Variants in TNFSF13 observed in about 807,000 individuals in gnomAD.
TNFSF13 encodes tumor necrosis factor ligand superfamily member 13.
Under a neutral mutation model 30.7 loss-of-function variants are expected in TNFSF13, and 18 were observed. The observed-to-expected ratio is 0.59, with a 90% CI of 0.41 to 0.87. The LOEUF (loss-of-function observed/expected upper bound fraction) is 0.87, where lower values mean the gene tolerates loss of function less well. TNFSF13 is among the 40% of genes least tolerant of loss of function. The pLI, the probability that TNFSF13 is intolerant of heterozygous loss-of-function variation, is 0.00. For missense variants in TNFSF13, 286 were observed against 308.8 expected, an observed-to-expected ratio of 0.93 and a Z score of 0.55; for synonymous variants, 116 against 123.2, an observed-to-expected ratio of 0.94 and a Z score of 0.39.
At chr17:7,560,608 C>T in intron 5 of TNFSF13, 116 bp from the exon 6 acceptor site, 1 of 1,609,240 alleles carries the variant, frequency 6.2e-7, no homozygotes. Context: ...GAGTGAAGTG[C>T]AGAATGCCGG....
chr17:7,560,246 C>T (rs1389823124), intron 4 of TNFSF13, 79 bp downstream of exon 4: 1 of 1,611,102 alleles, frequency 6.2e-7, no homozygotes, highest in Non-Finnish European at 8.5e-7. Flanking sequence ...TCTATTCATA[C>T]CAAACCCAGC....
In TNFSF13 at chr17:7,559,965, A is replaced by C; in HGVS notation, c.385+72A>C. On this transcript the variant is annotated intron_variant, in intron 3 of 5. Coordinates refer to ENST00000338784, the MANE Select transcript of TNFSF13 (RefSeq NM_003808.4). This position sits in a 1 kb window ranked among gnomAD's most constrained non-coding sequence, Gnocchi z 5.4. ...GAACTCGGGCTGGCACTTGGGCTCA[A>C]GGGGTCCTTATAGGTGAAAGGGAAA... The C allele has an allele frequency of 3.1e-6, 5 of 1,613,968 alleles. No individual in the cohort carries two copies. The highest frequency in any genetic ancestry group is 3.4e-6 in the Non-Finnish European group (4 of 1,179,970).
Position 7,560,930 on chromosome 17 carries a change from G to C in TNFSF13, c.*97G>C. 1.2e-6 allele frequency: 2 copies of C among 1,614,142 alleles called. No individual in the cohort carries two copies. Among genetic ancestry groups the C allele is most frequent in the Non-Finnish European group, 1.7e-6 (2 of 1,180,010 alleles). On this transcript the variant is annotated 3_prime_UTR_variant, in exon 6 of 6. Coordinates refer to ENST00000338784, the MANE Select transcript of TNFSF13 (RefSeq NM_003808.4). ...GTATATAAAGGAGAGGGAATGTGCAGGAACAGAGGCGTCTTCCTGGGTTTG... is the reference window on the plus strand; with the variant it reads ...GTATATAAAGGAGAGGGAATGTGCACGAACAGAGGCGTCTTCCTGGGTTTG...
Position 7,560,419 on chromosome 17 carries a change from A to G in TNFSF13, c.574A>G (p.Thr192Ala). Residue 192 changes from threonine (T) to alanine (A), a missense_variant, in exon 5 of 6, where the codon ACT becomes GCT. By Grantham distance (58) the Thr-to-Ala change is moderately conservative. Transcript: ENST00000338784. ...TCGAGAAGGCCAAGGAAGGCAGGAG[A>G]CTCTATTCCGATGTATAAGAAGTAT... ...VSREGQGRQE[T>A]LFRCIRSMPS... is the part of the protein sequence containing the mutation. 1 of 1,613,662 alleles carries G rather than the reference A, an allele frequency of 6.2e-7. No homozygotes were observed. Among genetic ancestry groups the G allele is most frequent in the Non-Finnish European group, 8.5e-7 (1 of 1,179,884 alleles).
In TNFSF13 at chr17:7,559,832, CCTT is replaced by C; in HGVS notation, c.338-11_338-9del. 1.9e-6 allele frequency: 3 copies of C among 1,614,096 alleles called. No individual in the cohort carries two copies. Among genetic ancestry groups the C allele is most frequent in the East Asian group, 2.2e-5 (1 of 44,878 alleles). ...AAAGTGGATGCGGCTGAGATTCCCT[CCTT>C]CTCTCCTCAGAGCAGCACTCTGTCC... On this transcript the variant is annotated splice_polypyrimidine_tract_variant and intron_variant, in intron 2 of 5. Coordinates refer to ENST00000338784, the MANE Select transcript of TNFSF13 (RefSeq NM_003808.4). The surrounding 1 kb of genome is among the most constrained non-coding windows in gnomAD (Gnocchi z 5.4).
chr17:7,558,821 T>G lies in TNFSF13; in HGVS notation c.-219T>G. On this transcript the variant is annotated 5_prime_UTR_variant, in exon 1 of 6. Transcript: ENST00000338784. This position sits in a 1 kb window ranked among gnomAD's most constrained non-coding sequence, Gnocchi z 4.3. ...CCTGAGGCTGAGGGAGGGTGGAGGG[T>G]CTCAAGGCAACGCTGGCCCCACGAC... The G allele has an allele frequency of 2.3e-6, 1 of 431,968 alleles. No individual in the cohort carries two copies. The highest frequency in any genetic ancestry group is 3.9e-6 in the Non-Finnish European group (1 of 253,882). The allele number at this position is 431,968 out of a possible 1,614,324, so 26.8% of individuals were successfully genotyped here. A position where few individuals can be genotyped will look rare whatever the true frequency, so the allele number is the denominator to read the frequency against.
At position 7,559,521 on chromosome 17, in the gene TNFSF13, C is replaced by G; in HGVS notation, c.259-103C>G. ...ACACTCAGGGTGCTGGGAAAAGGTG[C>G]GTGAGAGATCTGAGGCATCTCGGGG... On this transcript the variant is annotated intron_variant, in intron 1 of 5. Coordinates refer to ENST00000338784, the MANE Select transcript of TNFSF13 (RefSeq NM_003808.4). The surrounding 1 kb of genome is among the most constrained non-coding windows in gnomAD (Gnocchi z 5.4). 2 of 1,470,048 alleles carry G rather than the reference C, an allele frequency of 1.4e-6. No individual in the cohort carries two copies. Among genetic ancestry groups the G allele is most frequent in the East Asian group, 2.4e-5 (1 of 42,310 alleles). 91.1% of individuals were successfully genotyped at this position (1,470,048 alleles called of 1,614,324 possible).
In TNFSF13 at chr17:7,561,116, C is replaced by T; in HGVS notation, c.*283C>T. On this transcript the variant is annotated 3_prime_UTR_variant, in exon 6 of 6. Coordinates refer to ENST00000338784, the MANE Select transcript of TNFSF13 (RefSeq NM_003808.4). This position sits in a 1 kb window ranked among gnomAD's most constrained non-coding sequence, Gnocchi z 4.4. Reference sequence around the variant, plus strand: ...ATTGTCCAGACCTGGTCGGGGCCCACTGGAAGCATCCAGAACAGCACCACC... The same window carrying T: ...ATTGTCCAGACCTGGTCGGGGCCCATTGGAAGCATCCAGAACAGCACCACC... The T allele has an allele frequency of 6.5e-7, 1 of 1,543,906 alleles. No individual in the cohort carries two copies. The highest frequency in any genetic ancestry group is 8.9e-7 in the Non-Finnish European group (1 of 1,124,200).
At position 7,558,896 on chromosome 17, in the gene TNFSF13, CCTTTT is replaced by C. The variant is rs1467266356; in HGVS notation, c.-143_-139del. On this transcript the variant is annotated 5_prime_UTR_variant, in exon 1 of 6. Coordinates refer to ENST00000338784, the MANE Select transcript of TNFSF13 (RefSeq NM_003808.4). This position sits in a 1 kb window ranked among gnomAD's most constrained non-coding sequence, Gnocchi z 4.3. The stretch of plus-strand genomic sequence containing the variant: ...CCCTTAGCTTGCTTTCCTCCTCCCT[CCTTTT>C]TATTTTCAAGTTCCTTTTTATTTCT... 2 of 1,043,584 alleles carry C rather than the reference CCTTTT, an allele frequency of 1.9e-6. No individual in the cohort carries two copies. Among genetic ancestry groups the C allele is most frequent in the Non-Finnish European group, 2.6e-6 (2 of 761,254 alleles). The allele number at this position is 1,043,584 out of a possible 1,614,324, so 64.6% of individuals were successfully genotyped here.
rs2071129064 is a variant in TNFSF13, at chr17:7,559,280, CAG to C, written c.244_245del (p.Leu83ProfsTer41). On this transcript the variant is annotated frameshift_variant, in exon 1 of 6. Transcript: ENST00000338784. LOFTEE classifies it high-confidence loss of function. The surrounding 1 kb of genome is among the most constrained non-coding windows in gnomAD (Gnocchi z 5.4). ...PSQNGEGYPW[Q>X]SLPEQSSDAL... The stretch of plus-strand genomic sequence containing the variant: ...CCAGAATGGGGAAGGGTATCCCTGG[CAG>C]AGTCTCCCGGAGCAGGTGAGTGAGG... The C allele has an allele frequency of 2.5e-6, 4 of 1,605,548 alleles. No individual in the cohort carries two copies. Among genetic ancestry groups the C allele is most frequent in the Admixed American group, 1.7e-5 (1 of 59,308 alleles).
At position 7,559,377 on chromosome 17, in the gene TNFSF13, AG is replaced by A; in HGVS notation, c.258+85del. On this transcript the variant is annotated intron_variant, in intron 1 of 5. Transcript: ENST00000338784. The surrounding 1 kb of genome is among the most constrained non-coding windows in gnomAD (Gnocchi z 5.4). The stretch of plus-strand genomic sequence containing the variant: ...GGGCCTCCTGGTCTGCAAAGTTTCA[AG>A]GGGGTGCAAGAGAGGGTCTCCGGTT... The A allele has an allele frequency of 6.8e-7, 1 of 1,476,910 alleles. No homozygotes were observed. The highest frequency in any genetic ancestry group is 9.0e-7 in the Non-Finnish European group (1 of 1,112,628). The allele number at this position is 1,476,910 out of a possible 1,614,324, so 91.5% of individuals were successfully genotyped here.
Position 7,560,156 on chromosome 17 carries a change from C to T in TNFSF13, c.493C>T (p.Leu165=), listed in dbSNP as rs1256432767. The T allele has an allele frequency of 3.1e-6, 5 of 1,614,026 alleles. No individual in the cohort carries two copies. Among genetic ancestry groups the T allele is most frequent in the African/African-American group, 1.3e-5 (1 of 74,926 alleles). ...AATCCAGGATGCTGGAGTTTATCTG[C>T]TGTATAGCCAGGTAACCCCAGCCAC... The part of the protein sequence containing the change: ...VRIQDAGVYL[L]YSQVLFQDVT... Residue 165 remains leucine (L), a synonymous_variant, in exon 4 of 6, where the codon CTG becomes TTG. Coordinates refer to ENST00000338784, the MANE Select transcript of TNFSF13 (RefSeq NM_003808.4).
chr17:7,560,412 G>A lies in TNFSF13; in HGVS notation c.567G>A (p.Arg189=), dbSNP rs529065606. The change falls in exon 5 of 6, where the codon AGG becomes AGA. Residue 189 remains arginine, a synonymous_variant. Transcript: ENST00000338784. ...GQVVSREGQG[R]QETLFRCIRS... ...TGGTGTCTCGAGAAGGCCAAGGAAG[G>A]CAGGAGACTCTATTCCGATGTATAA... 436 of 1,614,206 alleles carry A rather than the reference G, an allele frequency of 2.7e-4. 7 individuals are homozygous for A. In the South Asian group the frequency reaches 4.6e-3, roughly 17 times the overall value.
Position 7,560,124 on chromosome 17 carries a change from G to C in TNFSF13, c.461G>C (p.Gly154Ala), listed in dbSNP as rs1358719227. 11 of 1,614,082 alleles carry C rather than the reference G, an allele frequency of 6.8e-6. No individual in the cohort carries two copies. Among genetic ancestry groups the C allele is most frequent in the Non-Finnish European group, 9.3e-6 (11 of 1,180,044 alleles). Residue 154 changes from glycine to alanine, a missense_variant, in exon 4 of 6, where the codon GGT (glycine) becomes GCT (alanine). Gly to Ala is a moderately conservative substitution (Grantham distance 60). Coordinates refer to ENST00000338784, the MANE Select transcript of TNFSF13 (RefSeq NM_003808.4). ...AGAGGCCTACAGGCCCAAGGATATG[G>C]TGTCCGAATCCAGGATGCTGGAGTT... ...RGRGLQAQGYGVRIQDAGVYL... is the reference protein window; with the variant it reads ...RGRGLQAQGYAVRIQDAGVYL...
In TNFSF13 at chr17:7,559,926, G is replaced by A. The variant is rs749045346; in HGVS notation, c.385+33G>A. The A allele has an allele frequency of 5.0e-6, 8 of 1,614,034 alleles. No homozygotes were observed. The highest frequency in any genetic ancestry group is 1.1e-5 in the South Asian group (1 of 91,082). On this transcript the variant is annotated intron_variant, in intron 3 of 5. Coordinates refer to ENST00000338784, the MANE Select transcript of TNFSF13 (RefSeq NM_003808.4). The surrounding 1 kb of genome is among the most constrained non-coding windows in gnomAD (Gnocchi z 5.4). ...CTATTTTAAATAATGGCTTTGGGGA[G>A]GGGCAATAACCAGGAACTCGGGCTG...
Position 7,559,951 on chromosome 17 carries a change from G to A in TNFSF13, c.385+58G>A. ...GGGGCAATAACCAGGAACTCGGGCTGGCACTTGGGCTCAAGGGGTCCTTAT... is the reference window on the plus strand; with the variant it reads ...GGGGCAATAACCAGGAACTCGGGCTAGCACTTGGGCTCAAGGGGTCCTTAT... On this transcript the variant is annotated intron_variant, in intron 3 of 5. Transcript: ENST00000338784. This position sits in a 1 kb window ranked among gnomAD's most constrained non-coding sequence, Gnocchi z 5.4. 5.0e-6 allele frequency: 8 copies of A among 1,613,930 alleles called. No individual in the cohort carries two copies. Among genetic ancestry groups the A allele is most frequent in the Non-Finnish European group, 5.9e-6 (7 of 1,179,980 alleles).
At chr17:7,560,571 G>A in intron 5 of TNFSF13, 83 bp downstream of exon 5, 1 of 1,610,388 alleles carries the variant, frequency 6.2e-7, no homozygotes, top group Non-Finnish European at 8.5e-7. Context: ...GAGGGAGGTT[G>A]GAAACCTAAA....
In TNFSF13 at chr17:7,559,314, G is replaced by A; in HGVS notation, c.258+17G>A. The A allele has an allele frequency of 6.3e-7, 1 of 1,582,228 alleles. No individual in the cohort carries two copies. Among genetic ancestry groups the A allele is most frequent in the Non-Finnish European group, 8.6e-7 (1 of 1,161,880 alleles). On this transcript the variant is annotated intron_variant, in intron 1 of 5. Transcript: ENST00000338784. The surrounding 1 kb of genome is among the most constrained non-coding windows in gnomAD (Gnocchi z 5.4). ...CCGGAGCAGGTGAGTGAGGGGAGGA[G>A]GGTGTCTGGGAGAGGATGGTTAGCA...
Position 7,560,937 on chromosome 17 carries a change from A to T in TNFSF13, c.*104A>T. 1 of 1,614,180 alleles carries T rather than the reference A, an allele frequency of 6.2e-7. No individual in the cohort carries two copies. Among genetic ancestry groups the T allele is most frequent in the Non-Finnish European group, 8.5e-7 (1 of 1,180,032 alleles). ...AAGGAGAGGGAATGTGCAGGAACAG[A>T]GGCGTCTTCCTGGGTTTGGCTCCCC... On this transcript the variant is annotated 3_prime_UTR_variant, in exon 6 of 6. Transcript: ENST00000338784.
Sources: gnomAD v4.1 joint callset for allele counts on GRCh38, gnomAD v4.1.1 for gene constraint, Gnocchi (gnomAD v3.1) non-coding constraint, MANE v1.5 for transcripts, NCBI Gene and HGNC (gene_info 2026-07-23, HGNC 2026-07-21) for gene names.